Variants in CPS1 observed in about 807,000 individuals in gnomAD.
CPS1 encodes the protein carbamoyl-phosphate synthase 1.
A neutral mutation model predicts 174.6 loss-of-function variants in CPS1; 109 were observed. That is an observed-to-expected ratio of 0.62 (90% CI 0.53 to 0.73). CPS1 has a LOEUF of 0.73. Ranked by LOEUF, CPS1 falls within the 30% of genes least tolerant of loss-of-function variation. The probability of loss-of-function intolerance (pLI) is 0.00; values close to 1 mark genes in which losing one functional copy is unlikely to be tolerated. For synonymous variants in CPS1, 637 were observed against 632.0 expected (o/e 1.01, Z -0.12); for missense variants, 1,689 against 1,821.9 (o/e 0.93, Z 1.33).
At chr2:210,497,242 T>C (rs1197350076) in intron 1 of CPS1, among the ~76,000 whole-genome samples, 1 of 152,180 alleles carries the variant, frequency 6.6e-6, no homozygotes, top group Non-Finnish European at 1.5e-5. Context: ...TAAAGAAGAA[T>C]TTATCCTTAT....
intron 5 of CPS1, among the ~76,000 whole-genome samples, chr2:210,580,858 CAAA>C (rs369186272): frequency 1.0e-4 from 10 of 95,274 alleles, no homozygotes; most frequent in Admixed American, 3.5e-4. Context: ...GACCCTGTCT[CAAA>C]AAAAAAAAAA....
At chr2:210,631,335 T>A (rs1480296395) in intron 21 of CPS1, 1 of 152,174 alleles carries the variant, frequency 6.6e-6, no homozygotes, top group Non-Finnish European at 1.5e-5. Context: ...CTTTTATCAT[T>A]TATTATTGAA....
intron 17 of CPS1, 58 bp from the exon 18 acceptor site, chr2:210,606,673 C>T (rs935885994): frequency 2.0e-5 from 30 of 1,499,782 alleles, no homozygotes; most frequent in Non-Finnish European, 2.7e-5. Flanking sequence ...ATGGTTAAGT[C>T]GCTGAAGTTG....
At chr2:210,590,682 A>T in intron 8 of CPS1, 118 bp from the exon 9 acceptor site, 1 of 748,080 alleles carries the variant, frequency 1.3e-6, no homozygotes, top group Non-Finnish European at 2.3e-6. Context: ...TTCTTCTTTA[A>T]TTCAGTTACT....
At chr2:210,515,927 A>G (rs1041000390) in intron 1 of CPS1, among the ~76,000 whole-genome samples, 5 of 151,728 alleles carry the variant, frequency 3.3e-5, no homozygotes, top group Admixed American at 6.6e-5. Context: ...CAAGGAAATT[A>G]AAAAATTTTC....
At chr2:210,492,712 T>G (rs1242746739) in intron 1 of CPS1, among the ~76,000 whole-genome samples, 1 of 152,184 alleles carries the variant, frequency 6.6e-6, no homozygotes, top group Non-Finnish European at 1.5e-5. Flanking sequence ...TTGCAGGGGT[T>G]CTTAAAACTT....
intron 1 of CPS1, among the ~76,000 whole-genome samples, chr2:210,570,674 T>C (rs72934392): frequency 2.1e-3 from 323 of 152,048 alleles, no homozygotes; most frequent in Non-Finnish European, 3.9e-3. Context: ...CAAAGTTACA[T>C]ATTATCTAAA....
At chr2:210,512,200 A>G (rs1695513004) in intron 1 of CPS1, among the ~76,000 whole-genome samples, 1 of 151,904 alleles carries the variant, frequency 6.6e-6, no homozygotes, top group Admixed American at 6.6e-5. Context: ...TTCTTTTATT[A>G]TTATTTTTTC....
At chr2:210,531,502 C>G (rs1415868774) in intron 1 of CPS1, among the ~76,000 whole-genome samples, 1 of 152,024 alleles carries the variant, frequency 6.6e-6, no homozygotes, top group African/African-American at 2.4e-5. Flanking sequence ...GCTTTGCATT[C>G]AAGTGTTTGT....
intron 1 of CPS1, among the ~76,000 whole-genome samples, chr2:210,562,144 T>C (rs1697121423): frequency 6.6e-6 from 1 of 152,200 alleles, no homozygotes; most frequent in Non-Finnish European, 1.5e-5. Flanking sequence ...TTTTTATAAA[T>C]GCTGTATTTT....
At chr2:210,579,647 A>T in intron 4 of CPS1, 67 bp from the exon 5 acceptor site, 1 of 1,314,980 alleles carries the variant, frequency 7.6e-7, no homozygotes, top group Non-Finnish European at 1.1e-6. Flanking sequence ...CAAGTTTGTA[A>T]CTTGAAAACA....
intron 1 of CPS1, among the ~76,000 whole-genome samples, chr2:210,535,615 A>T (rs1296811689): frequency 6.6e-6 from 1 of 152,110 alleles, no homozygotes; most frequent in Non-Finnish European, 1.5e-5. Context: ...ATGAATGACA[A>T]TGTGATTCTC....
At chr2:210,533,457 C>G (rs1366110679) in intron 1 of CPS1, among the ~76,000 whole-genome samples, 1 of 152,048 alleles carries the variant, frequency 6.6e-6, no homozygotes. Flanking sequence ...AGATGGAAAA[C>G]TGAGGTACAA....
intron 1 of CPS1, among the ~76,000 whole-genome samples, chr2:210,549,481 C>T (rs1240920393): frequency 6.6e-6 from 1 of 151,856 alleles, no homozygotes; most frequent in African/African-American, 2.4e-5. Context: ...ATGCTTCAGC[C>T]AAAATTAAGT....
chr2:210,552,076 G>A (rs942319332), upstream of CPS1, among the ~76,000 whole-genome samples: 1 of 151,692 alleles, frequency 6.6e-6, no homozygotes, highest in African/African-American at 2.4e-5. Context: ...ATGATACTAA[G>A]GCTAATAAAA....
At chr2:210,536,724 G>A (rs189430246) in intron 1 of CPS1, among the ~76,000 whole-genome samples, 1 of 152,170 alleles carries the variant, frequency 6.6e-6, no homozygotes, top group East Asian at 1.9e-4. Flanking sequence ...TACCAACTGT[G>A]GATATTTACT....
chr2:210,538,114 C>A (rs541778789), intron 1 of CPS1, among the ~76,000 whole-genome samples: 3 of 152,110 alleles, frequency 2.0e-5, no homozygotes, highest in Admixed American at 6.5e-5. Context: ...TTGTTTGTGG[C>A]AGGATTTGAA....
chr2:210,622,523 G>C (rs1399990070), intron 21 of CPS1, among the ~76,000 whole-genome samples: 4 of 151,710 alleles, frequency 2.6e-5, no homozygotes, highest in Non-Finnish European at 5.9e-5. Flanking sequence ...AGCCAATAAA[G>C]GGGTGATAGT....
chr2:210,598,263 G>A (rs1361000252), intron 13 of CPS1, among the ~76,000 whole-genome samples: 7 of 151,802 alleles, frequency 4.6e-5, no homozygotes, highest in African/African-American at 7.2e-5. Context: ...AAAAATGCAC[G>A]TAGACACACA....
Sources: allele counts gnomAD v4.1 joint callset (sites outside exome capture counted in the v4.1 genomes callset), GRCh38; gene constraint gnomAD v4.1.1; transcripts MANE v1.5; gene names NCBI Gene and HGNC (gene_info 2026-07-23, HGNC 2026-07-21).